The following PIWIL1 variants were observed in gnomAD, a reference collection of about 807,000 sequenced individuals.
PIWIL1 encodes piwi-like protein 1.
In PIWIL1, 73 loss-of-function variants were observed where a neutral mutation model predicts 114.4. That is an observed-to-expected ratio of 0.64 (90% CI 0.53 to 0.78). PIWIL1 has a LOEUF of 0.78. Ranked by LOEUF, PIWIL1 falls within the 30% of genes least tolerant of loss-of-function variation. PIWIL1 has a pLI of 0.00. For synonymous variants in PIWIL1, 375 were observed against 369.0 expected, an observed-to-expected ratio of 1.02 and a Z score of -0.19; for missense variants, 723 against 1,063.1, an observed-to-expected ratio of 0.68 and a Z score of 4.45.
intron 14 of PIWIL1, among the ~76,000 whole-genome samples, chr12:130,358,822 T>C (rs181718026): frequency 2.6e-5 from 4 of 152,306 alleles, no homozygotes; most frequent in Non-Finnish European, 5.9e-5. Flanking sequence ...ATCTGCCTCG[T>C]TCCTGTCGCG....
intron 14 of PIWIL1, among the ~76,000 whole-genome samples, chr12:130,359,449 C>T (rs572978293): frequency 6.6e-6 from 1 of 152,304 alleles, no homozygotes; most frequent in African/African-American, 2.4e-5. Flanking sequence ...ATGCCCTGTT[C>T]CCATAACCAT....
chr12:130,342,772 G>A, intron 2 of PIWIL1, 103 bp downstream of exon 2: 2 of 901,226 alleles, frequency 2.2e-6, no homozygotes, highest in East Asian at 2.6e-5. Flanking sequence ...GATATAGGAA[G>A]TGAGCAAGGG....
At chr12:130,385,455 T>A in the PIWIL1 span, among the ~76,000 whole-genome samples, 1 of 152,242 alleles carries the variant, frequency 6.6e-6, no homozygotes, top group Admixed American at 6.5e-5. Context: ...CTCTTTAACA[T>A]AGTTACCTAC....
intron 7 of PIWIL1, among the ~76,000 whole-genome samples, 194 bp downstream of exon 7, chr12:130,348,377 G>T (rs11836499): frequency 0.17 from 26,092 of 152,084 alleles, 2,428 homozygotes; most frequent in South Asian, 0.23. Flanking sequence ...TAATTTACCT[G>T]TCACTAGGGA....
chr12:130,343,612 T>TGAAGGATTC (rs1362174998), intron 3 of PIWIL1, among the ~76,000 whole-genome samples: 13 of 145,880 alleles, frequency 8.9e-5, no homozygotes, highest in Admixed American at 8.5e-4. Context: ...GTGGATGCAT[T>TGAAGGATTC]GAAGGATTCT....
chr12:130,391,925 T>G, the PIWIL1 span, among the ~76,000 whole-genome samples: 63,977 of 143,124 alleles, frequency 0.45, 15,935 homozygotes, highest in Non-Finnish European at 0.57. Flanking sequence ...TGGTGAATAT[T>G]CAATGTGATG....
Position 130,371,685 on chromosome 12 carries a change from T to C in PIWIL1, c.*87T>C. The C allele has an allele frequency of 6.1e-6, 5 of 815,536 alleles. No individual in the cohort carries two copies. The highest frequency in any genetic ancestry group is 9.9e-6 in the Non-Finnish European group (5 of 502,630). 50.5% of individuals were successfully genotyped at this position (815,536 alleles called of 1,614,324 possible). On this transcript the variant is annotated 3_prime_UTR_variant, in exon 21 of 21. Coordinates refer to ENST00000245255, the MANE Select transcript of PIWIL1 (RefSeq NM_004764.5). The stretch of plus-strand genomic sequence containing the variant: ...TTATTTACTTTTTTTTTAACTGTTA[T>C]CTTTCTGGATGAAACTTGGGAAGGG...
chr12:130,341,432 C>T lies in PIWIL1; in HGVS notation c.-12-1148C>T, dbSNP rs563046868. On this transcript the variant is annotated intron_variant, in intron 1 of 20. Transcript: ENST00000245255. ...TCTACCAAAGATATTTTGGATTTAT[C>T]CTAAGATCTAACTACTTCATATGAA... Among the ~76,000 whole-genome samples, 16 of 152,348 alleles carry T rather than the reference C, an allele frequency of 1.1e-4. No homozygotes were observed. The South Asian group carries it at 3.1e-3, about 30-fold the overall frequency.
intron 9 of PIWIL1, among the ~76,000 whole-genome samples, chr12:130,353,347 T>G (rs2136153387): frequency 6.7e-6 from 1 of 148,316 alleles, no homozygotes; most frequent in East Asian, 2.0e-4. Flanking sequence ...TCAGTGGAGG[T>G]GTGTGGTTTG....
chr12:130,395,722 A>AAAAG, the PIWIL1 span, among the ~76,000 whole-genome samples: 1 of 152,152 alleles, frequency 6.6e-6, no homozygotes, highest in Non-Finnish European at 1.5e-5. Context: ...TCTTTCTTTG[A>AAAAG]AAAGACATCA....
At chr12:130,347,986 G>T in intron 6 of PIWIL1, 117 bp from the exon 7 acceptor site, 1 of 594,618 alleles carries the variant, frequency 1.7e-6, no homozygotes, top group Middle Eastern at 2.6e-4. Context: ...CAGGTAGGTT[G>T]GATTTGGCCT....
chr12:130,354,442 C>T (rs2173082), intron 9 of PIWIL1, 95 bp from the exon 10 acceptor site: 576,391 of 1,492,282 alleles, frequency 0.39, 118,116 homozygotes, highest in Non-Finnish European at 0.42. Context: ...TTGGCATCAG[C>T]TCTTTATTTT....
At chr12:130,402,235 G>T in the PIWIL1 span, among the ~76,000 whole-genome samples, 1 of 152,140 alleles carries the variant, frequency 6.6e-6, no homozygotes, top group African/African-American at 2.4e-5. Flanking sequence ...GAGGCTCAGA[G>T]GTCCTGTTCA....
intron 9 of PIWIL1, 78 bp from the exon 10 acceptor site, chr12:130,354,459 A>G: frequency 6.3e-7 from 1 of 1,577,220 alleles, no homozygotes; most frequent in South Asian, 1.2e-5. Flanking sequence ...TTTTTTTAAA[A>G]AATGAAACCC....
Position 130,346,989 on chromosome 12 carries a change from A to T in PIWIL1, c.580A>T (p.Thr194Ser). ...KTRNGEDVRITITLTNELPPT... is the reference protein window; with the variant it reads ...KTRNGEDVRISITLTNELPPT... ...CCGGAATGGAGAGGATGTGAGGATAACGATCACTTTAACAAATGAACTTCC... is the reference window on the plus strand; with the variant it reads ...CCGGAATGGAGAGGATGTGAGGATATCGATCACTTTAACAAATGAACTTCC... The change falls in exon 6 of 21, where the codon ACG (threonine) becomes TCG (serine). Residue 194 changes from threonine to serine, a missense_variant. This residue lies in a region of PIWIL1 where 190 missense variants were observed against 294.4 expected (regional missense o/e 0.65). Transcript: ENST00000245255. 1 of 1,613,930 alleles carries T rather than the reference A, an allele frequency of 6.2e-7. No individual in the cohort carries two copies. Among genetic ancestry groups the T allele is most frequent in the South Asian group, 1.1e-5 (1 of 91,046 alleles).
chr12:130,348,150 A>G lies in PIWIL1; in HGVS notation c.701A>G (p.Asn234Ser). 6.2e-7 allele frequency: 1 copy of G among 1,606,746 alleles called. No individual in the cohort carries two copies. Among genetic ancestry groups the G allele is most frequent in the African/African-American group, 1.3e-5 (1 of 74,882 alleles). The change falls in exon 7 of 21, where the codon AAC becomes AGC. Residue 234 changes from asparagine to serine, a missense_variant. Asn to Ser is a conservative substitution (Grantham distance 46). Transcript: ENST00000245255. ...CAACAAATTGGACGAAATTATTATAACCCAAATGACCCAATTGATATTCCA... is the reference window on the plus strand; with the variant it reads ...CAACAAATTGGACGAAATTATTATAGCCCAAATGACCCAATTGATATTCCA... Reference protein sequence around the residue: ...NLQQIGRNYYNPNDPIDIPSH... With the variant: ...NLQQIGRNYYSPNDPIDIPSH...
chr12:130,414,583 G>GTC, the PIWIL1 span: 1 of 287,652 alleles, frequency 3.5e-6, no homozygotes, highest in Admixed American at 4.7e-5. Context: ...GCACAGGCTG[G>GTC]GGCAGGGGCT....
chr12:130,366,964 C>G (rs988937010), intron 18 of PIWIL1, among the ~76,000 whole-genome samples, 169 bp from the exon 19 acceptor site: 1 of 152,202 alleles, frequency 6.6e-6, no homozygotes, highest in Non-Finnish European at 1.5e-5. Flanking sequence ...TATCCGTGGT[C>G]TTTACTCCTG....
At chr12:130,424,184 G>A in the PIWIL1 span, 54 of 1,232,044 alleles carry the variant, frequency 4.4e-5, no homozygotes, top group Middle Eastern at 3.1e-4. This position sits in a 1 kb window ranked among gnomAD's most constrained non-coding sequence, Gnocchi z 9.8. Flanking sequence ...TTGCGTGGGG[G>A]GCAGCTGCCC....
Sources: gnomAD v4.1 joint callset for allele counts (sites outside exome capture counted in the v4.1 genomes callset) on GRCh38, gnomAD v4.1.1 for gene constraint, gnomAD v4.1.1 regional missense constraint, Gnocchi (gnomAD v3.1) non-coding constraint, MANE v1.5 for transcripts, NCBI Gene and HGNC (gene_info 2026-07-23, HGNC 2026-07-21) for gene names.